The following LMX1B variants were observed in gnomAD, a reference collection of about 807,000 sequenced individuals.
LMX1B encodes the protein LIM homeobox transcription factor 1 beta.
Under a neutral mutation model 51.4 loss-of-function variants are expected in LMX1B, and 12 were observed. The ratio of observed to expected loss-of-function variants is 0.23; its 90% CI spans 0.15 to 0.38. The LOEUF (loss-of-function observed/expected upper bound fraction) is 0.38. LMX1B is among the 10% of genes least tolerant of loss of function. The probability of loss-of-function intolerance (pLI) is 1.00; values close to 1 mark genes in which losing one functional copy is unlikely to be tolerated. For missense variants in LMX1B, 445 were observed against 571.1 expected (o/e 0.78, Z 2.25); for synonymous variants, 237 against 235.4 (o/e 1.01, Z -0.06).
intron 2 of LMX1B, among the ~76,000 whole-genome samples, chr9:126,676,013 C>T (rs1457295468): frequency 6.8e-6 from 1 of 147,450 alleles, no homozygotes; most frequent in Non-Finnish European, 1.5e-5. Flanking sequence ...CGCGCCACTG[C>T]ACTCCAGCCT....
At chr9:126,661,403 G>A (rs1279209779) in intron 2 of LMX1B, among the ~76,000 whole-genome samples, 1 of 152,192 alleles carries the variant, frequency 6.6e-6, no homozygotes, top group East Asian at 1.9e-4. Context: ...GGACAGACTA[G>A]GCAGCCAGGA....
intron 2 of LMX1B, among the ~76,000 whole-genome samples, chr9:126,683,787 CCAGTT>C (rs1039732742): frequency 2.6e-5 from 4 of 152,194 alleles, no homozygotes; most frequent in Non-Finnish European, 4.4e-5. Context: ...AATGGGAAAA[CCAGTT>C]CAGAGAGCGG....
At chr9:126,693,410 T>C (rs1300433891) in intron 4 of LMX1B, 87 bp downstream of exon 4, 2 of 1,540,248 alleles carry the variant, frequency 1.3e-6, no homozygotes, top group African/African-American at 2.7e-5. Flanking sequence ...CTGCTGGGGG[T>C]AGGGACATCC....
chr9:126,695,884 C>T lies in LMX1B; in HGVS notation c.932C>T (p.Pro311Leu), dbSNP rs751144885. ...RMEGMMASYT[P>L]LAPPQQQIVA... ...GAGGGCATGATGGCTTCCTACACGC[C>T]GCTGGCCCCACCACAGCAGCAGATC... The change falls in exon 7 of 8, where the codon CCG becomes CTG. Residue 311 changes from proline (P) to leucine (L), a missense_variant. Pro to Leu is a moderately conservative substitution (Grantham distance 98). Coordinates refer to ENST00000373474, the MANE Select transcript of LMX1B (RefSeq NM_001174147.2). The surrounding 1 kb of genome is among the most constrained non-coding windows in gnomAD (Gnocchi z 5.2). 12 of 1,613,268 alleles carry T rather than the reference C, an allele frequency of 7.4e-6. No homozygotes were observed. Among genetic ancestry groups the T allele is most frequent in the Non-Finnish European group, 9.3e-6 (11 of 1,179,790 alleles).
At chr9:126,642,317 A>G (rs1270374271) in intron 2 of LMX1B, among the ~76,000 whole-genome samples, 1 of 152,098 alleles carries the variant, frequency 6.6e-6, no homozygotes, top group Non-Finnish European at 1.5e-5. Flanking sequence ...CAGCCATTCC[A>G]AGATCTCCTG....
intron 2 of LMX1B, among the ~76,000 whole-genome samples, chr9:126,654,293 G>A (rs1836072324): frequency 6.6e-6 from 1 of 152,182 alleles, no homozygotes; most frequent in South Asian, 2.1e-4. Flanking sequence ...CCCTGGCTGG[G>A]CTCCCACAGA....
intron 2 of LMX1B, among the ~76,000 whole-genome samples, chr9:126,685,271 A>G (rs1271506499): frequency 6.6e-6 from 1 of 152,122 alleles, no homozygotes; most frequent in Non-Finnish European, 1.5e-5. Flanking sequence ...GGAGGCAAGA[A>G]GGGACTTGCT....
chr9:126,643,392 C>T (rs893646806), intron 2 of LMX1B, among the ~76,000 whole-genome samples: 4 of 152,110 alleles, frequency 2.6e-5, no homozygotes, highest in South Asian at 2.1e-4. Flanking sequence ...CATGCAGACT[C>T]GGCAGTGTGA....
chr9:126,695,301 A>G lies in LMX1B; in HGVS notation c.887-538A>G, dbSNP rs1047251695. Among the ~76,000 whole-genome samples, 12 of 151,932 alleles carry G rather than the reference A, an allele frequency of 7.9e-5. No individual in the cohort carries two copies. The highest frequency in any genetic ancestry group is 2.7e-4 in the African/African-American group (11 of 41,362). ...CTCCCCATGACCTGTGGTCCCTCTCAGCTGGTCTCCCCCACACCGACCTCT... is the reference window on the plus strand; with the variant it reads ...CTCCCCATGACCTGTGGTCCCTCTCGGCTGGTCTCCCCCACACCGACCTCT... On this transcript the variant is annotated intron_variant, in intron 6 of 7. Transcript: ENST00000373474. The surrounding 1 kb of genome is among the most constrained non-coding windows in gnomAD (Gnocchi z 5.2).
At chr9:126,668,156 G>T (rs1316995206) in intron 2 of LMX1B, among the ~76,000 whole-genome samples, 1 of 152,076 alleles carries the variant, frequency 6.6e-6, no homozygotes, top group Non-Finnish European at 1.5e-5. Flanking sequence ...TTGGTGTTTG[G>T]GGCTCAGGGA....
chr9:126,681,602 G>T (rs1024361885), intron 2 of LMX1B, among the ~76,000 whole-genome samples: 3 of 152,082 alleles, frequency 2.0e-5, no homozygotes, highest in Admixed American at 6.5e-5. Context: ...AAGGAACCTG[G>T]TTAAAATGCC....
chr9:126,666,023 C>T (rs1287232260), intron 2 of LMX1B, among the ~76,000 whole-genome samples: 1 of 152,246 alleles, frequency 6.6e-6, no homozygotes, highest in African/African-American at 2.4e-5. Context: ...GGTTCCCGAG[C>T]TAGGCGCTGT....
intron 2 of LMX1B, among the ~76,000 whole-genome samples, chr9:126,668,178 ACT>A: frequency 2.0e-5 from 3 of 152,120 alleles, no homozygotes; most frequent in Non-Finnish European, 2.9e-5. Flanking sequence ...AGACACTCTT[ACT>A]GAGACCAGGG....
Position 126,625,834 on chromosome 9 carries a change from G to A in LMX1B, c.326+10265G>A, listed in dbSNP as rs1296929175. On this transcript the variant is annotated intron_variant, in intron 2 of 7. Coordinates refer to ENST00000373474, the MANE Select transcript of LMX1B (RefSeq NM_001174147.2). This position sits in a 1 kb window ranked among gnomAD's most constrained non-coding sequence, Gnocchi z 5.3. ...CCGCCGTGCCTGAGCCCCGCTGCCT[G>A]CTCGGACAAGCAGAACTCCGGCAGG... is the stretch of plus-strand genomic sequence containing the variant. 6.6e-6 allele frequency among the ~76,000 whole-genome samples: 1 copy of A among 152,214 alleles called. No homozygotes were observed. Among genetic ancestry groups the A allele is most frequent in the Non-Finnish European group, 1.5e-5 (1 of 68,032 alleles).
At chr9:126,642,869 C>T (rs963905975) in intron 2 of LMX1B, among the ~76,000 whole-genome samples, 1 of 152,188 alleles carries the variant, frequency 6.6e-6, no homozygotes, top group Non-Finnish European at 1.5e-5. Flanking sequence ...ACAGGGACCC[C>T]GTCCAGGGAT....
rs1451496082 is a variant in LMX1B, at chr9:126,625,151, C to T, written c.326+9582C>T. Among the ~76,000 whole-genome samples, 2 of 152,238 alleles carry T rather than the reference C, an allele frequency of 1.3e-5. 1 individual carries two copies. Among genetic ancestry groups the T allele is most frequent in the Admixed American group, 1.3e-4 (2 of 15,288 alleles). On this transcript the variant is annotated intron_variant, in intron 2 of 7. Transcript: ENST00000373474. This position sits in a 1 kb window ranked among gnomAD's most constrained non-coding sequence, Gnocchi z 5.3. ...GAAAAGAAGCCGAGCACCTTACAAC[C>T]GTGTCCCCTCCACCCCTTCCGAGGA... is the stretch of plus-strand genomic sequence containing the variant.
chr9:126,674,375 G>T (rs1019329126), intron 2 of LMX1B, among the ~76,000 whole-genome samples: 1 of 150,632 alleles, frequency 6.6e-6, no homozygotes, highest in Non-Finnish European at 1.5e-5. Flanking sequence ...CTTGTAGGGT[G>T]GGGTGGAGGA....
intron 2 of LMX1B, among the ~76,000 whole-genome samples, chr9:126,689,959 C>T (rs1263373647): frequency 3.3e-5 from 5 of 152,082 alleles, no homozygotes; most frequent in South Asian, 2.1e-4. Context: ...GCACTCTATA[C>T]GTGCTCAGTG....
At chr9:126,634,437 G>A (rs1333669689) in intron 2 of LMX1B, among the ~76,000 whole-genome samples, 1 of 152,170 alleles carries the variant, frequency 6.6e-6, no homozygotes, top group Non-Finnish European at 1.5e-5. Context: ...GGAAGAAAAC[G>A]CTCCAGGTCC....
Sources: gnomAD v4.1 joint callset for allele counts (sites outside exome capture counted in the v4.1 genomes callset) on GRCh38, gnomAD v4.1.1 for gene constraint, Gnocchi (gnomAD v3.1) non-coding constraint, MANE v1.5 for transcripts, NCBI Gene and HGNC (gene_info 2026-07-23, HGNC 2026-07-21) for gene names.